The following CNTN5 variants were observed in gnomAD, a reference collection of about 807,000 sequenced individuals.
CNTN5 encodes contactin 5.
CNTN5 carries 77 observed loss-of-function variants against 129.1 expected under a neutral mutation model. The observed-to-expected ratio is 0.60, with a 90% CI of 0.50 to 0.72. The LOEUF (loss-of-function observed/expected upper bound fraction) is 0.72, where lower values mean the gene tolerates loss of function less well. Ranked by LOEUF, CNTN5 falls within the 30% of genes least tolerant of loss-of-function variation. The pLI is 0.00. For synonymous variants in CNTN5, 509 were observed against 465.6 expected (o/e 1.09, Z -1.20); for missense variants, 1,478 against 1,328.8 (o/e 1.11, Z -1.75).
chr11:99,364,367 C>G lies in CNTN5; in HGVS notation c.-71+38883C>G, dbSNP rs146063621. On this transcript the variant is annotated intron_variant, in intron 2 of 24. Transcript: ENST00000524871. ...TAGCATAATATGCTAATTTTTGTAG[C>G]TTATCTAACATATATTTAGCATATT... Among the ~76,000 whole-genome samples, 499 of 152,132 alleles carry G rather than the reference C, an allele frequency of 3.3e-3. 1 individual carries two copies. Among genetic ancestry groups the G allele is most frequent in the African/African-American group, 0.011 (477 of 41,526 alleles).
chr11:99,315,786 C>T (rs566416729), intron 1 of CNTN5, among the ~76,000 whole-genome samples: 2 of 148,956 alleles, frequency 1.3e-5, no homozygotes, highest in East Asian at 2.0e-4. Flanking sequence ...ACAGGGATTA[C>T]ACAGGGATTG....
intron 3 of CNTN5, among the ~76,000 whole-genome samples, chr11:99,624,255 G>T (rs1325442119): frequency 1.1e-5 from 1 of 92,188 alleles, no homozygotes; most frequent in East Asian, 2.6e-4. Context: ...TATAATAGTT[G>T]TTTTAATTGT....
At chr11:99,461,665 A>G (rs545869165) in intron 2 of CNTN5, among the ~76,000 whole-genome samples, 101 of 148,610 alleles carry the variant, frequency 6.8e-4, no homozygotes, top group African/African-American at 2.6e-3. Context: ...CAAAAGTTGT[A>G]TTCTAGTATT....
chr11:99,637,437 T>C lies in CNTN5; in HGVS notation c.55+81168T>C, dbSNP rs77211214. Among the ~76,000 whole-genome samples the C allele has an allele frequency of 5.0e-3, 768 of 152,290 alleles. 6 individuals carry two copies. Among genetic ancestry groups the C allele is most frequent in the African/African-American group, 0.018 (729 of 41,554 alleles). On this transcript the variant is annotated intron_variant, in intron 3 of 24. Coordinates refer to ENST00000524871, the MANE Select transcript of CNTN5 (RefSeq NM_014361.4). ...AAGCAAACACATCACATGGCAATCATGTACATGTATACATAGAGGGTGAAT... is the reference window on the plus strand; with the variant it reads ...AAGCAAACACATCACATGGCAATCACGTACATGTATACATAGAGGGTGAAT...
intron 1 of CNTN5, among the ~76,000 whole-genome samples, chr11:99,156,361 A>G (rs1017691149): frequency 6.6e-6 from 1 of 152,030 alleles, no homozygotes; most frequent in Non-Finnish European, 1.5e-5. Flanking sequence ...CAATAATTGG[A>G]TTTTTTTATC....
intron 3 of CNTN5, among the ~76,000 whole-genome samples, chr11:99,613,417 C>A (rs1238878273): frequency 6.6e-6 from 1 of 152,102 alleles, no homozygotes; most frequent in Non-Finnish European, 1.5e-5. Flanking sequence ...CTGAGGCCTC[C>A]CCAGCCGTGC....
intron 8 of CNTN5, among the ~76,000 whole-genome samples, chr11:99,960,768 C>A (rs186324014): frequency 6.6e-6 from 1 of 151,898 alleles, no homozygotes; most frequent in Admixed American, 6.6e-5. Context: ...TAAGAAATCA[C>A]GGGGAGAGAG....
At position 99,977,923 on chromosome 11, in the gene CNTN5, A is replaced by G. The variant is rs537786840; in HGVS notation, c.877+20914A>G. Among the ~76,000 whole-genome samples the G allele has an allele frequency of 2.6e-4, 39 of 152,360 alleles. 1 individual carries two copies. The South Asian group carries it at 7.7e-3, about 30-fold the overall frequency. On this transcript the variant is annotated intron_variant, in intron 8 of 24. Transcript: ENST00000524871. Reference sequence around the variant, plus strand: ...ATGTTATTAAAAATAAGGTTCAACAATGAGAATTTCAGTGCAGTAATTTCA... The same window carrying G: ...ATGTTATTAAAAATAAGGTTCAACAGTGAGAATTTCAGTGCAGTAATTTCA...
At chr11:99,218,876 G>A (rs992073788) in intron 1 of CNTN5, among the ~76,000 whole-genome samples, 6 of 152,000 alleles carry the variant, frequency 3.9e-5, no homozygotes, top group Non-Finnish European at 7.4e-5. Context: ...TTCTTTGACC[G>A]CTTTCCCTGT....
chr11:99,920,846 A>C (rs912108220), intron 7 of CNTN5, among the ~76,000 whole-genome samples: 1 of 152,166 alleles, frequency 6.6e-6, no homozygotes, highest in Admixed American at 6.6e-5. Context: ...TTAGGATTTC[A>C]ACATACTACT....
chr11:99,208,330 A>G (rs1383750726), intron 1 of CNTN5, among the ~76,000 whole-genome samples: 6 of 152,156 alleles, frequency 3.9e-5, no homozygotes, highest in Non-Finnish European at 8.8e-5. Flanking sequence ...GTTATTTGAA[A>G]TATACTTTTA....
intron 3 of CNTN5, among the ~76,000 whole-genome samples, chr11:99,809,713 A>G (rs910556865): frequency 2.6e-5 from 4 of 152,106 alleles, no homozygotes; most frequent in Admixed American, 2.6e-4. Flanking sequence ...TAAAAGCACA[A>G]CTTGCCCACA....
At chr11:99,731,636 T>C (rs998589143) in intron 3 of CNTN5, among the ~76,000 whole-genome samples, 2 of 152,212 alleles carry the variant, frequency 1.3e-5, no homozygotes, top group Admixed American at 6.5e-5. Context: ...TGGGCATTTC[T>C]AATCCTGTCC....
intron 2 of CNTN5, among the ~76,000 whole-genome samples, chr11:99,380,314 T>C (rs1050246426): frequency 1.3e-5 from 2 of 152,174 alleles, no homozygotes; most frequent in African/African-American, 4.8e-5. Context: ...TTATTTACAG[T>C]TTTATTTAAC....
At chr11:99,343,043 A>T (rs1295784529) in intron 2 of CNTN5, among the ~76,000 whole-genome samples, 1 of 152,192 alleles carries the variant, frequency 6.6e-6, no homozygotes, top group East Asian at 1.9e-4. Flanking sequence ...ATCATTCAAT[A>T]GTTGTGAAGC....
chr11:99,809,094 C>A (rs1325993826), intron 3 of CNTN5, among the ~76,000 whole-genome samples: 1 of 152,136 alleles, frequency 6.6e-6, no homozygotes, highest in Non-Finnish European at 1.5e-5. Flanking sequence ...CAAGATAGTA[C>A]CCATGTGGAG....
chr11:99,251,663 G>C (rs1038790763), intron 1 of CNTN5, among the ~76,000 whole-genome samples: 5 of 151,982 alleles, frequency 3.3e-5, no homozygotes, highest in Non-Finnish European at 7.4e-5. Context: ...CAAGCAGAGA[G>C]AATCAATGCC....
intron 1 of CNTN5, among the ~76,000 whole-genome samples, chr11:99,311,005 C>T (rs1202043801): frequency 2.0e-5 from 3 of 152,108 alleles, no homozygotes; most frequent in South Asian, 2.1e-4. Context: ...TGTCTTGGCT[C>T]ACTGCAACCT....
intron 1 of CNTN5, among the ~76,000 whole-genome samples, chr11:99,077,890 A>G (rs1865641111): frequency 6.6e-6 from 1 of 152,146 alleles, no homozygotes; most frequent in Non-Finnish European, 1.5e-5. Context: ...ACTGTGAGTC[A>G]ATTGAACCTC....
Sources: gnomAD v4.1 joint callset for allele counts (sites outside exome capture counted in the v4.1 genomes callset) on GRCh38, gnomAD v4.1.1 for gene constraint, MANE v1.5 for transcripts, NCBI Gene and HGNC (gene_info 2026-07-23, HGNC 2026-07-21) for gene names.